Variants in CDK5RAP1 observed in about 807,000 individuals in gnomAD.
CDK5RAP1 encodes mitochondrial tRNA methylthiotransferase CDK5RAP1.
A neutral mutation model predicts 64.5 loss-of-function variants in CDK5RAP1; 62 were observed. That is an observed-to-expected ratio of 0.96 (90% confidence interval 0.78 to 1.19). The LOEUF (loss-of-function observed/expected upper bound fraction) is 1.19, where lower values mean the gene tolerates loss of function less well. Among genes scored for constraint, CDK5RAP1 ranks in the 50% most tolerant of loss-of-function variants. CDK5RAP1 has a pLI of 0.00. For synonymous variants in CDK5RAP1, 250 were observed against 261.9 expected, an observed-to-expected ratio of 0.95 and a Z score of 0.44; for missense variants, 657 against 735.0, an observed-to-expected ratio of 0.89 and a Z score of 1.23.
intron 7 of CDK5RAP1, 39 bp from the exon 8 acceptor site, chr20:33,379,730 G>C: frequency 1.4e-6 from 2 of 1,438,204 alleles, no homozygotes; most frequent in Non-Finnish European, 1.9e-6. Context: ...TAAAACTTTT[G>C]GGTAGCTTCA....
rs1265542211 is a variant in CDK5RAP1, at chr20:33,359,037, C to T, written c.*6G>A. 9 of 1,607,502 alleles carry T rather than the reference C, an allele frequency of 5.6e-6. No individual in the cohort carries two copies. The highest frequency in any genetic ancestry group is 3.3e-5 in the Admixed American group (2 of 59,946). ...CCCAAGTCAGCTCTGAGGCCATCCT[C>T]TCAGGTCAGCAATATGCAGAAGAGT... On this transcript the variant is annotated 3_prime_UTR_variant, in exon 14 of 14. Coordinates refer to ENST00000346416, the MANE Select transcript of CDK5RAP1 (RefSeq NM_016408.4).
chr20:33,367,451 T>C (rs368631539), intron 11 of CDK5RAP1, among the ~76,000 whole-genome samples: 2 of 152,364 alleles, frequency 1.3e-5, no homozygotes, highest in East Asian at 3.9e-4. Flanking sequence ...GATAGTTCTA[T>C]ATGTACTAAT....
chr20:33,388,184 T>A (rs1489467918), intron 5 of CDK5RAP1, among the ~76,000 whole-genome samples: 1 of 152,210 alleles, frequency 6.6e-6, no homozygotes, highest in African/African-American at 2.4e-5. Context: ...GTCTGGAACT[T>A]ACTTACCCAC....
Position 33,374,114 on chromosome 20 carries a change from C to A in CDK5RAP1, c.1205+1G>T. The A allele has an allele frequency of 1.9e-6, 3 of 1,609,220 alleles. No individual in the cohort carries two copies. The highest frequency in any genetic ancestry group is 2.6e-6 in the Non-Finnish European group (3 of 1,175,642). On this transcript the variant is annotated splice_donor_variant, in intron 9 of 13. Transcript: ENST00000346416. LOFTEE classifies it high-confidence loss of function. The stretch of plus-strand genomic sequence containing the variant: ...ATGCCCCCTCTCCAAGCAAGCCTGA[C>A]CCCCTCCGCATGGCCTCCAACACAC...
chr20:33,360,788 G>C (rs1367310039), intron 12 of CDK5RAP1, among the ~76,000 whole-genome samples: 1 of 152,222 alleles, frequency 6.6e-6, no homozygotes, highest in Non-Finnish European at 1.5e-5. Context: ...TAAAGCCAGA[G>C]ACTTATGAGC....
intron 12 of CDK5RAP1, among the ~76,000 whole-genome samples, chr20:33,363,761 TG>T (rs751039911): frequency 5.9e-5 from 9 of 151,980 alleles, no homozygotes; most frequent in Non-Finnish European, 1.3e-4. Flanking sequence ...TAGCCAGGCG[TG>T]GTTGTACACA....
At chr20:33,370,438 A>G (rs1984789050) in intron 11 of CDK5RAP1, 61 bp downstream of exon 11, 12 of 1,591,160 alleles carry the variant, frequency 7.5e-6, no homozygotes, top group Non-Finnish European at 8.6e-7. Flanking sequence ...CCTGTTCTCT[A>G]CAGTCACCAC....
At chr20:33,374,974 G>T (rs567907018) in intron 8 of CDK5RAP1, among the ~76,000 whole-genome samples, 1 of 151,786 alleles carries the variant, frequency 6.6e-6, no homozygotes, top group African/African-American at 2.4e-5. Flanking sequence ...AGACCAGCCT[G>T]GACAACATAG....
chr20:33,368,467 T>G (rs1984397961), intron 11 of CDK5RAP1, among the ~76,000 whole-genome samples: 1 of 140,982 alleles, frequency 7.1e-6, no homozygotes, highest in African/African-American at 2.6e-5. Context: ...TAATTTTTTT[T>G]TTTTTTTTTT....
rs1299143972 is a variant in CDK5RAP1 at position 33,391,712 on chromosome 20, C to A, written c.544+430G>T. ...GTGCAAGCCTGTAATCCCAGCTACTCGGGAGGCTGAGGCAGGAGAATCACT... is the reference window on the plus strand; with the variant it reads ...GTGCAAGCCTGTAATCCCAGCTACTAGGGAGGCTGAGGCAGGAGAATCACT... On this transcript the variant is annotated intron_variant, in intron 5 of 13. Transcript: ENST00000346416. 2.6e-5 allele frequency among the ~76,000 whole-genome samples: 4 copies of A among 151,784 alleles called. No individual in the cohort carries two copies. The East Asian group carries it at 7.7e-4, about 29-fold the overall frequency.
At chr20:33,378,073 G>A (rs1043745024) in intron 8 of CDK5RAP1, among the ~76,000 whole-genome samples, 4 of 152,194 alleles carry the variant, frequency 2.6e-5, no homozygotes, top group Non-Finnish European at 5.9e-5. Context: ...TTGGCTGGTT[G>A]ACATAAGAGG....
At chr20:33,370,372 A>T in intron 11 of CDK5RAP1, 127 bp downstream of exon 11, 1 of 906,346 alleles carries the variant, frequency 1.1e-6, no homozygotes, top group Admixed American at 2.4e-5. Flanking sequence ...AACGGAAGTG[A>T]ATCGTAAGAG....
At chr20:33,365,597 TAAAAAAAAAAAAAAA>T (rs11471267) in intron 12 of CDK5RAP1, among the ~76,000 whole-genome samples, 4 of 78,342 alleles carry the variant, frequency 5.1e-5, no homozygotes, top group African/African-American at 2.0e-4. Context: ...CTCTATAATG[TAAAAAAAAAAAAAAA>T]AAAAAAAAAA....
chr20:33,373,648 C>T (rs1985480421), intron 9 of CDK5RAP1: 1 of 156,948 alleles, frequency 6.4e-6, no homozygotes, highest in Non-Finnish European at 1.4e-5. Flanking sequence ...AAAGTGAACA[C>T]ATAGAGCGAC....
chr20:33,392,171 G>A lies in CDK5RAP1; in HGVS notation c.515C>T (p.Ser172Phe). The A allele has an allele frequency of 2.5e-6, 4 of 1,613,128 alleles. No homozygotes were observed. The highest frequency in any genetic ancestry group is 3.4e-6 in the Non-Finnish European group (4 of 1,179,362). ...AATTCCAATCCTCAGAGGAACCCGG[G>A]AGCGGGGCCGCCTTGTCTTCAAGGC... Reference protein sequence around the residue: ...LKALKTRRPRSRVPLRIGILG... With the variant: ...LKALKTRRPRFRVPLRIGILG... The change falls in exon 5 of 14, where the codon TCC (serine) becomes TTC (phenylalanine). Residue 172 changes from serine (S) to phenylalanine (F), a missense_variant. By Grantham distance (155) the Ser-to-Phe change is radical (BLOSUM62 -2). Transcript: ENST00000346416.
intron 13 of CDK5RAP1, chr20:33,359,427 CCCT>C: frequency 3.1e-6 from 1 of 317,846 alleles, no homozygotes; most frequent in Non-Finnish European, 5.9e-6. Flanking sequence ...ACAGGCCCTG[CCCT>C]CCTAACTCCA....
chr20:33,392,462 A>ATTTTT (rs1202756640), intron 4 of CDK5RAP1, among the ~76,000 whole-genome samples: 3 of 119,004 alleles, frequency 2.5e-5, no homozygotes, highest in East Asian at 2.4e-4. Flanking sequence ...TTTGGGGGGG[A>ATTTTT]TTTTTTTTTT....
intron 7 of CDK5RAP1, among the ~76,000 whole-genome samples, chr20:33,384,331 C>T (rs1987145491): frequency 6.6e-6 from 1 of 152,040 alleles, no homozygotes; most frequent in Non-Finnish European, 1.5e-5. Context: ...AGGCAAATGG[C>T]CTAGAAAGGT....
intron 1 of CDK5RAP1, among the ~76,000 whole-genome samples, chr20:33,400,469 G>A (rs1348230707): frequency 2.0e-5 from 3 of 152,088 alleles, no homozygotes; most frequent in Non-Finnish European, 4.4e-5. Context: ...TCTCTGAGCC[G>A]CCAATTCCAC....
Sources: allele counts gnomAD v4.1 joint callset (sites outside exome capture counted in the v4.1 genomes callset), GRCh38; gene constraint gnomAD v4.1.1; transcripts MANE v1.5; gene names NCBI Gene and HGNC (gene_info 2026-07-23, HGNC 2026-07-21).